Variants in PITPNM3 observed in about 807,000 individuals in gnomAD.
PITPNM3 encodes membrane-associated phosphatidylinositol transfer protein 3.
Under a neutral mutation model 102.0 loss-of-function variants are expected in PITPNM3, and 26 were observed. The ratio of observed to expected loss-of-function variants is 0.25; its 90% CI spans 0.19 to 0.35. The LOEUF (loss-of-function observed/expected upper bound fraction) is 0.35. PITPNM3 is among the 10% of genes least tolerant of loss of function. PITPNM3 has a pLI of 1.00. For synonymous variants in PITPNM3, 578 were observed against 558.6 expected (o/e 1.03, Z -0.49); for missense variants, 1,083 against 1,346.1 (o/e 0.80, Z 3.06).
At position 6,556,339 on chromosome 17, in the gene PITPNM3, TC is replaced by T; in HGVS notation, c.22+45del. 2 of 1,387,768 alleles carry T rather than the reference TC, an allele frequency of 1.4e-6. No homozygotes were observed. Among genetic ancestry groups the T allele is most frequent in the Non-Finnish European group, 9.4e-7 (1 of 1,063,304 alleles). 86.0% of individuals were successfully genotyped at this position (1,387,768 alleles called of 1,614,324 possible). On this transcript the variant is annotated intron_variant, in intron 1 of 19. Coordinates refer to ENST00000262483, the MANE Select transcript of PITPNM3 (RefSeq NM_031220.4). The surrounding 1 kb of genome is among the most constrained non-coding windows in gnomAD (Gnocchi z 5.2). ...GCGGCCCCTCCTCTAGACGCGCGAG[TC>T]CCTCCCCCGGGCCCCGGCCCTGCCC...
intron 4 of PITPNM3, 124 bp from the exon 5 acceptor site, chr17:6,484,416 G>T: frequency 1.0e-6 from 1 of 973,748 alleles, no homozygotes. Flanking sequence ...TCAAGTTAGA[G>T]TCTGGAGCTA....
intron 15 of PITPNM3, 149 bp downstream of exon 15, chr17:6,464,506 C>G: frequency 9.4e-7 from 1 of 1,060,114 alleles, no homozygotes; most frequent in Non-Finnish European, 1.4e-6. Context: ...CCTTCCCGGC[C>G]CGCCCAAGCA....
chr17:6,471,771 A>T (rs1447809080), intron 11 of PITPNM3, among the ~76,000 whole-genome samples: 3 of 152,048 alleles, frequency 2.0e-5, no homozygotes, highest in Non-Finnish European at 1.5e-5. Context: ...CTGCCTCTGG[A>T]AGGGAATGGG....
chr17:6,510,579 G>T (rs1196646146), intron 3 of PITPNM3, among the ~76,000 whole-genome samples: 2 of 152,268 alleles, frequency 1.3e-5, no homozygotes, highest in African/African-American at 4.8e-5. Context: ...GTCCCCTGCA[G>T]TGACCAGCAC....
chr17:6,554,862 A>T (rs1473431778), intron 1 of PITPNM3, among the ~76,000 whole-genome samples: 2 of 152,238 alleles, frequency 1.3e-5, no homozygotes, highest in Non-Finnish European at 2.9e-5. Context: ...ATCACGGTAC[A>T]GTAAAGAGCT....
In PITPNM3 at chr17:6,537,867, G is replaced by T; in HGVS notation, c.118+120C>A. On this transcript the variant is annotated intron_variant, in intron 2 of 19. Coordinates refer to ENST00000262483, the MANE Select transcript of PITPNM3 (RefSeq NM_031220.4). This position sits in a 1 kb window ranked among gnomAD's most constrained non-coding sequence, Gnocchi z 4.4. ...CATCCACAGGATGGGTAAGTATGGA[G>T]TGTGGAGCTGCAGATACCACGTCTG... 1 of 823,170 alleles carries T rather than the reference G, an allele frequency of 1.2e-6. No individual in the cohort carries two copies. The highest frequency in any genetic ancestry group is 2.1e-6 in the Non-Finnish European group (1 of 482,714). The allele number at this position is 823,170 out of a possible 1,614,324, so 51.0% of individuals were successfully genotyped here.
At chr17:6,500,499 G>C (rs1161067905) in intron 4 of PITPNM3, among the ~76,000 whole-genome samples, 1 of 152,114 alleles carries the variant, frequency 6.6e-6, no homozygotes, top group East Asian at 1.9e-4. Context: ...GTGAAAAGGA[G>C]TCCTCTCAAT....
At chr17:6,481,766 A>AATG (rs1905686722) in intron 6 of PITPNM3, 1 of 151,062 alleles carries the variant, frequency 6.6e-6, no homozygotes, top group Non-Finnish European at 1.5e-5. Context: ...ATAGATAGAT[A>AATG]GATAGATAGA....
At chr17:6,505,193 A>ATATATGTATATATATATATATATATAT (rs1198801942) in intron 3 of PITPNM3, among the ~76,000 whole-genome samples, 1 of 72,278 alleles carries the variant, frequency 1.4e-5, no homozygotes, top group African/African-American at 4.5e-5. Flanking sequence ...GAAGACAAAT[A>ATATATGTATATATATATATATATATAT]AAATATATAT....
intron 1 of PITPNM3, among the ~76,000 whole-genome samples, chr17:6,548,082 G>A (rs1910120926): frequency 6.6e-6 from 1 of 152,146 alleles, no homozygotes; most frequent in South Asian, 2.1e-4. Flanking sequence ...TTTGGGAAGT[G>A]CATCAAAGGC....
intron 4 of PITPNM3, among the ~76,000 whole-genome samples, chr17:6,501,775 C>T (rs1490377099): frequency 6.6e-6 from 1 of 152,162 alleles, no homozygotes; most frequent in Admixed American, 6.5e-5. Context: ...GCCTGGAATC[C>T]AGCCTTGAGT....
chr17:6,504,935 G>T (rs1907399006), intron 3 of PITPNM3, among the ~76,000 whole-genome samples: 2 of 152,114 alleles, frequency 1.3e-5, no homozygotes, highest in Non-Finnish European at 1.5e-5. Flanking sequence ...AGCACTTTGG[G>T]AGACAGAGGT....
intron 3 of PITPNM3, among the ~76,000 whole-genome samples, chr17:6,507,552 C>T (rs1907606026): frequency 6.6e-6 from 1 of 152,056 alleles, no homozygotes. Flanking sequence ...CCACTGCACT[C>T]CAGCCTGGGC....
At chr17:6,533,998 C>T (rs1041584258) in intron 2 of PITPNM3, among the ~76,000 whole-genome samples, 12 of 152,216 alleles carry the variant, frequency 7.9e-5, no homozygotes, top group Non-Finnish European at 1.8e-4. Flanking sequence ...GTTCCCCAGC[C>T]TCCGTTTCCC....
Position 6,451,885 on chromosome 17 carries a change from C to G in PITPNM3, c.*3453G>C, listed in dbSNP as rs1372700734. 20 of 30,446 alleles carry G rather than the reference C, an allele frequency of 6.6e-4. 6 individuals carry two copies. Among genetic ancestry groups the G allele is most frequent in the Non-Finnish European group, 1.3e-3 (18 of 14,084 alleles). 1.9% of individuals were successfully genotyped at this position (30,446 alleles called of 1,614,324 possible). A position where few individuals can be genotyped will look rare whatever the true frequency, so the allele number is the denominator to read the frequency against. On this transcript the variant is annotated 3_prime_UTR_variant, in exon 20 of 20. Coordinates refer to ENST00000262483, the MANE Select transcript of PITPNM3 (RefSeq NM_031220.4). ...ACTTGGCACCCAAACCCCCCCCCCC[C>G]GCCCGCCGATGGGATTCGGTGGGAA...
At chr17:6,475,478 A>G (rs1905262012) in intron 9 of PITPNM3, among the ~76,000 whole-genome samples, 1 of 152,206 alleles carries the variant, frequency 6.6e-6, no homozygotes, top group Admixed American at 6.5e-5. Flanking sequence ...AACTTTAGAA[A>G]GAGCTATTGA....
Position 6,483,555 on chromosome 17 carries a change from A to T in PITPNM3, c.549T>A (p.Cys183Ter). Reference sequence around the variant, plus strand: ...AGAAAGCCTCAGAGCAGATGGCAGGACAGGGGACGAACTTGATGAGGATGT... The same window carrying T: ...AGAAAGCCTCAGAGCAGATGGCAGGTCAGGGGACGAACTTGATGAGGATGT... ...LGHILIKFVPCPAICSEAFSL... is the reference protein window; with the variant it reads ...LGHILIKFVP Residue 183 changes from cysteine to a stop codon, truncating the protein, a stop_gained, in exon 6 of 20, where the codon TGT becomes TGA. Coordinates refer to ENST00000262483, the MANE Select transcript of PITPNM3 (RefSeq NM_031220.4). LOFTEE classifies it high-confidence loss of function. The T allele has an allele frequency of 6.2e-7, 1 of 1,614,062 alleles. No homozygotes were observed. Among genetic ancestry groups the T allele is most frequent in the Non-Finnish European group, 8.5e-7 (1 of 1,180,024 alleles).
chr17:6,525,556 C>A (rs1908784677), intron 2 of PITPNM3, 93 bp from the exon 3 acceptor site: 1 of 902,316 alleles, frequency 1.1e-6, no homozygotes, highest in Non-Finnish European at 1.8e-6. Flanking sequence ...TTTCTCTTGT[C>A]CTATTTCTTC....
At chr17:6,523,538 T>C (rs1908658408) in intron 3 of PITPNM3, among the ~76,000 whole-genome samples, 1 of 152,220 alleles carries the variant, frequency 6.6e-6, no homozygotes, top group African/African-American at 2.4e-5. Flanking sequence ...CCCTTAGCTC[T>C]CACTGGGTCT....
Sources: gnomAD v4.1 joint callset for allele counts (sites outside exome capture counted in the v4.1 genomes callset) on GRCh38, gnomAD v4.1.1 for gene constraint, Gnocchi (gnomAD v3.1) non-coding constraint, MANE v1.5 for transcripts, NCBI Gene and HGNC (gene_info 2026-07-23, HGNC 2026-07-21) for gene names.